Variants in COLEC10 observed in about 807,000 individuals in gnomAD.
COLEC10 encodes the protein collectin-10.
A neutral mutation model predicts 28.4 loss-of-function variants in COLEC10; 22 were observed. That is an observed-to-expected ratio of 0.78 (90% CI 0.55 to 1.11). COLEC10 has a LOEUF of 1.11. COLEC10 is among the 50% of genes least tolerant of loss of function. COLEC10 has a pLI of 0.00. For missense variants in COLEC10, 361 were observed against 344.1 expected (o/e 1.05, Z -0.39); for synonymous variants, 125 against 116.1 (o/e 1.08, Z -0.49).
chr8:119,044,379 C>G (rs1478451451), intron 2 of COLEC10, among the ~76,000 whole-genome samples: 1 of 152,014 alleles, frequency 6.6e-6, no homozygotes, highest in African/African-American at 2.4e-5. Context: ...ATGAGTAAGA[C>G]CATGTGGAAT....
chr8:118,973,004 C>G, the COLEC10 span, among the ~76,000 whole-genome samples: 1 of 151,924 alleles, frequency 6.6e-6, no homozygotes, highest in Non-Finnish European at 1.5e-5. Flanking sequence ...ACTATCAGAA[C>G]AGCAGCATGG....
In COLEC10 at chr8:119,015,843, C is replaced by T. The variant is rs75473621; in HGVS notation, n.235+6290C>T. On this transcript the variant is annotated intron_variant and non_coding_transcript_variant, in intron 2 of 6. Transcript: ENST00000521788. Reference sequence around the variant, plus strand: ...AGAGTGGTGACTTCCAAGTTCCTTACATGCTGTACTAGAAAATGGCCAAGC... The same window carrying T: ...AGAGTGGTGACTTCCAAGTTCCTTATATGCTGTACTAGAAAATGGCCAAGC... Among the ~76,000 whole-genome samples the T allele has an allele frequency of 7.9e-5, 12 of 152,226 alleles. No homozygotes were observed. In the East Asian group the frequency reaches 2.3e-3, roughly 29 times the overall value.
chr8:118,998,026 C>G (rs187599742), intron 1 of COLEC10, among the ~76,000 whole-genome samples: 2 of 152,232 alleles, frequency 1.3e-5, no homozygotes, highest in East Asian at 3.9e-4. Context: ...TATGATCAAT[C>G]AAGACCTGGG....
At chr8:119,010,883 G>C (rs1181115071) in intron 2 of COLEC10, among the ~76,000 whole-genome samples, 2 of 150,950 alleles carry the variant, frequency 1.3e-5, no homozygotes, top group Admixed American at 1.3e-4. Context: ...AGAGTTCTTT[G>C]TATATTTTGG....
the COLEC10 span, among the ~76,000 whole-genome samples, chr8:118,987,820 G>A: frequency 5.3e-5 from 8 of 152,054 alleles, no homozygotes; most frequent in African/African-American, 1.9e-4. Context: ...AAAAATCTTC[G>A]ATGTGTTTTA....
chr8:118,985,036 A>G, the COLEC10 span, among the ~76,000 whole-genome samples: 2 of 152,020 alleles, frequency 1.3e-5, no homozygotes, highest in African/African-American at 4.8e-5. Context: ...CACACAACAC[A>G]TGGAATTATG....
chr8:118,994,068 T>C (rs1219916240), upstream of COLEC10, among the ~76,000 whole-genome samples: 1 of 152,168 alleles, frequency 6.6e-6, no homozygotes, highest in African/African-American at 2.4e-5. Flanking sequence ...AATAAACATT[T>C]CAAGAATAGG....
At chr8:119,084,774 A>C (rs1028534108) in intron 1 of COLEC10, among the ~76,000 whole-genome samples, 1 of 152,264 alleles carries the variant, frequency 6.6e-6, no homozygotes, top group African/African-American at 2.4e-5. Context: ...TATAGCAAAA[A>C]TAAATACATG....
intron 1 of COLEC10, among the ~76,000 whole-genome samples, chr8:119,002,221 C>A (rs923646841): frequency 6.6e-6 from 1 of 151,858 alleles, no homozygotes; most frequent in Admixed American, 6.6e-5. Context: ...CTATGGATAA[C>A]TTTCATTTAA....
the COLEC10 span, among the ~76,000 whole-genome samples, chr8:118,972,729 CT>C: frequency 1.3e-5 from 2 of 151,872 alleles, no homozygotes. Flanking sequence ...ATCCATCTAC[CT>C]TCTAGCATAA....
At chr8:119,071,569 G>C (rs1815126394) in intron 1 of COLEC10, among the ~76,000 whole-genome samples, 1 of 152,134 alleles carries the variant, frequency 6.6e-6, no homozygotes, top group African/African-American at 2.4e-5. Context: ...TGTGCAGCAA[G>C]GCCATGCCTA....
chr8:119,067,654 G>A (rs1385496), intron 1 of COLEC10: 184,984 of 452,668 alleles, frequency 0.41, 39,119 homozygotes, highest in Non-Finnish European at 0.45. Context: ...AACCCAGGAC[G>A]GAGATCTGAG....
At chr8:118,977,247 T>G in the COLEC10 span, among the ~76,000 whole-genome samples, 1 of 145,314 alleles carries the variant, frequency 6.9e-6, no homozygotes, top group African/African-American at 2.5e-5. Context: ...ATCCCATTAC[T>G]GGGTATATAC....
At chr8:118,987,968 A>C in the COLEC10 span, among the ~76,000 whole-genome samples, 1 of 152,148 alleles carries the variant, frequency 6.6e-6, no homozygotes, top group Non-Finnish European at 1.5e-5. Flanking sequence ...CAAACTAAAA[A>C]TCAACGCATG....
chr8:119,060,480 A>C (rs1313802843), intron 2 of COLEC10, among the ~76,000 whole-genome samples: 1 of 152,132 alleles, frequency 6.6e-6, no homozygotes, highest in Non-Finnish European at 1.5e-5. Flanking sequence ...CTAGAGGACT[A>C]TACCTGGTAT....
intron 3 of COLEC10, among the ~76,000 whole-genome samples, chr8:119,101,187 T>C (rs958670238): frequency 3.9e-5 from 6 of 152,134 alleles, no homozygotes; most frequent in Admixed American, 3.3e-4. Context: ...TTGGGCCGTA[T>C]AACTAATTCT....
At chr8:119,094,366 G>A (rs978739463) in intron 3 of COLEC10, among the ~76,000 whole-genome samples, 1 of 152,092 alleles carries the variant, frequency 6.6e-6, no homozygotes, top group South Asian at 2.1e-4. Flanking sequence ...AAGTTGTAAT[G>A]GTGAAAGAAA....
At chr8:118,999,780 G>C (rs1813657398) in intron 1 of COLEC10, among the ~76,000 whole-genome samples, 2 of 152,104 alleles carry the variant, frequency 1.3e-5, no homozygotes, top group African/African-American at 4.8e-5. Context: ...CATTTGCTTT[G>C]GGAAGATATA....
the COLEC10 span, among the ~76,000 whole-genome samples, chr8:118,983,118 C>G: frequency 2.6e-5 from 4 of 152,302 alleles, no homozygotes; most frequent in Admixed American, 6.5e-5. Context: ...TTGCTCTGAA[C>G]TTAGCAGTAT....
Sources: allele counts gnomAD v4.1 joint callset (sites outside exome capture counted in the v4.1 genomes callset), GRCh38; gene constraint gnomAD v4.1.1; transcripts MANE v1.5; gene names NCBI Gene and HGNC (gene_info 2026-07-23, HGNC 2026-07-21).